AGMO: variants seen among roughly 807,000 people sequenced by gnomAD.
The protein encoded by AGMO is glyceryl-ether monooxygenase.
A neutral mutation model predicts 60.2 loss-of-function variants in AGMO; 75 were observed. The observed-to-expected ratio is 1.25, with a 90% CI of 1.03 to 1.51. The LOEUF (loss-of-function observed/expected upper bound fraction) is 1.51, where lower values mean the gene tolerates loss of function less well. Among genes scored for constraint, AGMO ranks in the 40% most tolerant of loss-of-function variants. The pLI, the probability that AGMO is intolerant of heterozygous loss-of-function variation, is 0.00. For synonymous variants in AGMO, 261 were observed against 177.1 expected, an observed-to-expected ratio of 1.47 and a Z score of -3.76; for missense variants, 763 against 525.5, an observed-to-expected ratio of 1.45 and a Z score of -4.42.
At chr7:15,242,846 T>A (rs1292519416) in intron 12 of AGMO, among the ~76,000 whole-genome samples, 1 of 152,114 alleles carries the variant, frequency 6.6e-6, no homozygotes, top group African/African-American at 2.4e-5. Flanking sequence ...TAAAATGATT[T>A]AATCTATTGA....
chr7:15,559,042 G>A (rs958619170), intron 2 of AGMO, among the ~76,000 whole-genome samples: 2 of 152,042 alleles, frequency 1.3e-5, no homozygotes, highest in East Asian at 1.9e-4. Flanking sequence ...GCCCTCACGT[G>A]TTGAAGATGA....
chr7:15,402,161 G>T (rs1483120892), intron 5 of AGMO, among the ~76,000 whole-genome samples: 1 of 152,028 alleles, frequency 6.6e-6, no homozygotes, highest in Non-Finnish European at 1.5e-5. Flanking sequence ...TAATTTTCAG[G>T]TAAATTAGTG....
At chr7:15,331,553 T>C (rs1272966001) in intron 12 of AGMO, among the ~76,000 whole-genome samples, 1 of 152,206 alleles carries the variant, frequency 6.6e-6, no homozygotes, top group African/African-American at 2.4e-5. Flanking sequence ...TTTTGCACTC[T>C]GCAGCCAACA....
At chr7:15,512,197 C>G (rs960677893) in intron 3 of AGMO, among the ~76,000 whole-genome samples, 9 of 152,106 alleles carry the variant, frequency 5.9e-5, no homozygotes, top group Non-Finnish European at 5.9e-5. Context: ...AATAAAATAG[C>G]AAGCACTGAT....
At chr7:15,135,775 T>G in the AGMO span, among the ~76,000 whole-genome samples, 1 of 151,820 alleles carries the variant, frequency 6.6e-6, no homozygotes, top group Non-Finnish European at 1.5e-5. Flanking sequence ...TTAGACAATA[T>G]TCCAACTTTA....
chr7:15,393,531 A>T (rs994417576), intron 6 of AGMO, among the ~76,000 whole-genome samples: 4 of 152,208 alleles, frequency 2.6e-5, no homozygotes, highest in African/African-American at 9.6e-5. Context: ...GATGATATGC[A>T]CATTGCTATA....
chr7:15,526,147 G>A (rs1784123788), intron 3 of AGMO, among the ~76,000 whole-genome samples: 1 of 152,172 alleles, frequency 6.6e-6, no homozygotes, highest in African/African-American at 2.4e-5. Flanking sequence ...GAGTAGATGG[G>A]GTGTCTCCTG....
intron 12 of AGMO, among the ~76,000 whole-genome samples, chr7:15,314,363 T>C (rs753260372): frequency 3.3e-5 from 5 of 152,098 alleles, no homozygotes; most frequent in African/African-American, 9.7e-5. Flanking sequence ...TATAATTGAG[T>C]CATACATATA....
At chr7:15,370,005 T>G (rs1783138389) in intron 10 of AGMO, among the ~76,000 whole-genome samples, 1 of 152,146 alleles carries the variant, frequency 6.6e-6, no homozygotes, top group African/African-American at 2.4e-5. Flanking sequence ...AATGATCCTA[T>G]CACCCAGGTA....
At chr7:15,284,921 A>G (rs1392669734) in intron 12 of AGMO, among the ~76,000 whole-genome samples, 2 of 152,160 alleles carry the variant, frequency 1.3e-5, no homozygotes, top group Non-Finnish European at 2.9e-5. Context: ...GGGATGGTTT[A>G]ACACATGCAA....
intron 5 of AGMO, among the ~76,000 whole-genome samples, chr7:15,405,116 C>G (rs548806583): frequency 2.0e-5 from 3 of 151,888 alleles, no homozygotes; most frequent in Admixed American, 6.6e-5. Context: ...TATCCTTTCC[C>G]TTGTCCTCTT....
the AGMO span, among the ~76,000 whole-genome samples, chr7:15,179,836 G>A: frequency 5.3e-5 from 8 of 152,056 alleles, 1 homozygote; most frequent in South Asian, 2.1e-4. Context: ...ATTATCAACC[G>A]GTAGACACTG....
intron 2 of AGMO, among the ~76,000 whole-genome samples, chr7:15,545,222 A>T (rs892057976): frequency 2.6e-5 from 4 of 152,160 alleles, no homozygotes; most frequent in African/African-American, 9.7e-5. Flanking sequence ...CATGGAACCC[A>T]TACAACATAA....
the AGMO span, among the ~76,000 whole-genome samples, chr7:15,123,300 T>A: frequency 6.6e-6 from 1 of 152,080 alleles, no homozygotes; most frequent in East Asian, 1.9e-4. Context: ...ACTTCCAACA[T>A]CCTAAGATAG....
At chr7:15,472,900 A>C (rs1342733505) in intron 3 of AGMO, among the ~76,000 whole-genome samples, 2 of 151,956 alleles carry the variant, frequency 1.3e-5, no homozygotes, top group Non-Finnish European at 2.9e-5. Context: ...AACAAAAGCA[A>C]GTAGGAAACA....
the AGMO span, among the ~76,000 whole-genome samples, chr7:15,180,646 T>C: frequency 6.6e-6 from 1 of 152,196 alleles, no homozygotes; most frequent in South Asian, 2.1e-4. Flanking sequence ...CACAGCAATC[T>C]AGGCCTTGTC....
chr7:15,386,607 G>A (rs781152202), intron 9 of AGMO, among the ~76,000 whole-genome samples: 3 of 152,152 alleles, frequency 2.0e-5, no homozygotes, highest in Non-Finnish European at 4.4e-5. Context: ...TCATTATTTA[G>A]ATCAGGATTT....
chr7:15,387,748 T>A (rs1253578939), intron 8 of AGMO, among the ~76,000 whole-genome samples: 1 of 152,188 alleles, frequency 6.6e-6, no homozygotes, highest in African/African-American at 2.4e-5. Flanking sequence ...TGTCAATATA[T>A]CTAAAGTTCA....
In AGMO at chr7:15,279,562, C is replaced by A. The variant is rs190701653; in HGVS notation, c.1264-78203G>T. Among the ~76,000 whole-genome samples the A allele has an allele frequency of 3.9e-5, 6 of 152,126 alleles. No individual in the cohort carries two copies. The East Asian group carries it at 7.8e-4, about 20-fold the overall frequency. ...GGTCGTGGATTGGAGGCAATGTTAA[C>A]ATGCCCCTCCAACTTGGAAAGACAA... On this transcript the variant is annotated intron_variant, in intron 12 of 12. Transcript: ENST00000342526.
Sources: allele counts gnomAD v4.1 joint callset (sites outside exome capture counted in the v4.1 genomes callset), GRCh38; gene constraint gnomAD v4.1.1; transcripts MANE v1.5; gene names NCBI Gene and HGNC (gene_info 2026-07-23, HGNC 2026-07-21).